Variants in FGF14 observed in about 807,000 individuals in gnomAD.
FGF14 encodes the protein fibroblast growth factor homologous factor 4.
In FGF14, 5 loss-of-function variants were observed where a neutral mutation model predicts 25.5. That is an observed-to-expected ratio of 0.20 (90% CI 0.10 to 0.41). The LOEUF is 0.41. FGF14 is among the 10% of genes least tolerant of loss of function. The probability of loss-of-function intolerance (pLI) is 1.00; values close to 1 mark genes in which losing one functional copy is unlikely to be tolerated. For synonymous variants in FGF14, 138 were observed against 118.3 expected, an observed-to-expected ratio of 1.17 and a Z score of -1.08; for missense variants, 222 against 320.1, an observed-to-expected ratio of 0.69 and a Z score of 2.34.
At chr13:102,353,947 T>C (rs2057357976) in intron 1 of FGF14, among the ~76,000 whole-genome samples, 1 of 152,184 alleles carries the variant, frequency 6.6e-6, no homozygotes, top group African/African-American at 2.4e-5. Context: ...TGAGCCTACA[T>C]TCACCATGTC....
chr13:102,141,819 G>A (rs1228753864), intron 1 of FGF14, among the ~76,000 whole-genome samples: 2 of 152,134 alleles, frequency 1.3e-5, no homozygotes, highest in African/African-American at 4.8e-5. Flanking sequence ...CCACTAGAGG[G>A]CACAAATAAG....
At chr13:102,324,203 G>A (rs2056346401) in intron 1 of FGF14, among the ~76,000 whole-genome samples, 1 of 152,042 alleles carries the variant, frequency 6.6e-6, no homozygotes, top group Non-Finnish European at 1.5e-5. Context: ...AAGCGGCTGT[G>A]GGCTTAAGGA....
chr13:102,056,284 G>T (rs765149919), intron 1 of FGF14, among the ~76,000 whole-genome samples: 22 of 152,292 alleles, frequency 1.4e-4, no homozygotes, highest in Admixed American at 7.8e-4. Flanking sequence ...ACTCTTATCT[G>T]CCCTTGAGAC....
intron 1 of FGF14, among the ~76,000 whole-genome samples, chr13:102,142,908 AC>A (rs900679867): frequency 6.6e-6 from 1 of 152,190 alleles, no homozygotes; most frequent in Non-Finnish European, 1.5e-5. Flanking sequence ...AAAACAACAT[AC>A]GCTTTTATTC....
At chr13:102,331,369 A>C (rs529031392) in intron 1 of FGF14, among the ~76,000 whole-genome samples, 12 of 152,298 alleles carry the variant, frequency 7.9e-5, no homozygotes, top group African/African-American at 2.9e-4. Flanking sequence ...CCCATATTGG[A>C]AATGCTGTTC....
intron 3 of FGF14, among the ~76,000 whole-genome samples, chr13:101,733,858 A>G (rs908318862): frequency 6.6e-6 from 1 of 151,736 alleles, no homozygotes; most frequent in Non-Finnish European, 1.5e-5. Context: ...ATTATATGTT[A>G]CTTTGATTCA....
intron 1 of FGF14, among the ~76,000 whole-genome samples, chr13:101,980,234 A>G (rs1478543381): frequency 6.6e-6 from 1 of 152,190 alleles, no homozygotes; most frequent in African/African-American, 2.4e-5. Flanking sequence ...ACTTGTTCTA[A>G]TAATTTAAGT....
chr13:101,934,911 G>C (rs1467993799), intron 1 of FGF14, among the ~76,000 whole-genome samples: 3 of 152,096 alleles, frequency 2.0e-5, no homozygotes, highest in African/African-American at 7.2e-5. Context: ...CTTAATATGA[G>C]ATGTACCCTC....
intron 1 of FGF14, among the ~76,000 whole-genome samples, chr13:101,948,116 G>A (rs772943347): frequency 7.9e-5 from 12 of 152,114 alleles, no homozygotes; most frequent in Non-Finnish European, 1.6e-4. Flanking sequence ...AGATGTTTTC[G>A]ATATGCTAAA....
chr13:102,076,673 T>G (rs966667097), intron 1 of FGF14, among the ~76,000 whole-genome samples: 1 of 152,092 alleles, frequency 6.6e-6, no homozygotes, highest in Non-Finnish European at 1.5e-5. Context: ...AATAAATCCA[T>G]GAACATGGAT....
In FGF14 at chr13:102,083,177, G is replaced by C. The variant is rs1187410067; in HGVS notation, c.209-207881C>G. 3.9e-5 allele frequency among the ~76,000 whole-genome samples: 6 copies of C among 152,216 alleles called. No homozygotes were observed. In the East Asian group the frequency reaches 1.2e-3, roughly 29 times the overall value. On this transcript the variant is annotated intron_variant, in intron 1 of 4. Coordinates refer to the FGF14 transcript ENST00000376131. ...CTACTCTACCTTCAAATATTTTAGA[G>C]CTACTTACATGACCACCATTGCTAT...
intron 1 of FGF14, among the ~76,000 whole-genome samples, chr13:102,073,788 T>C (rs1318984727): frequency 6.6e-6 from 1 of 152,224 alleles, no homozygotes. Context: ...TCTGTATTTA[T>C]AGTTGAACTG....
At chr13:101,789,491 A>G (rs1309084297) in intron 3 of FGF14, among the ~76,000 whole-genome samples, 1 of 152,164 alleles carries the variant, frequency 6.6e-6, no homozygotes, top group Non-Finnish European at 1.5e-5. Flanking sequence ...GCTCTGCTAA[A>G]TTAGATCCTC....
Position 101,714,819 on chromosome 13 carries a change from A to G in FGF14, c.*8012T>C. The G allele has an allele frequency of 2.1e-6, 1 of 466,708 alleles. No individual in the cohort carries two copies. Among genetic ancestry groups the G allele is most frequent in the Non-Finnish European group, 3.8e-6 (1 of 260,350 alleles). The allele number at this position is 466,708 out of a possible 1,614,324, so 28.9% of individuals were successfully genotyped here. On this transcript the variant is annotated 3_prime_UTR_variant, in exon 5 of 5. Coordinates refer to ENST00000376143, the MANE Select transcript of FGF14 (RefSeq NM_004115.4). ...GTAACCTCCCCACCCTCAAACTCACATGTATGCAGTTGTATATTGAACACA... is the reference window on the plus strand; with the variant it reads ...GTAACCTCCCCACCCTCAAACTCACGTGTATGCAGTTGTATATTGAACACA...
intron 1 of FGF14, among the ~76,000 whole-genome samples, chr13:102,223,810 C>A (rs2050718185): frequency 6.6e-6 from 1 of 152,136 alleles, no homozygotes; most frequent in African/African-American, 2.4e-5. Context: ...CTGCAGTGAG[C>A]TATTGTCATG....
At chr13:101,913,810 CT>C (rs936168823) in intron 1 of FGF14, among the ~76,000 whole-genome samples, 74 of 152,216 alleles carry the variant, frequency 4.9e-4, no homozygotes, top group African/African-American at 1.6e-3. Flanking sequence ...CTCCCCACCC[CT>C]CTCTCCTCCA....
At chr13:101,940,202 G>A (rs1378452740) in intron 1 of FGF14, among the ~76,000 whole-genome samples, 2 of 152,176 alleles carry the variant, frequency 1.3e-5, no homozygotes, top group East Asian at 1.9e-4. Flanking sequence ...ACTGAAATAG[G>A]CAGGCTGTCA....
chr13:101,971,697 T>C (rs1261351509), intron 1 of FGF14, among the ~76,000 whole-genome samples: 6 of 152,180 alleles, frequency 3.9e-5, no homozygotes, highest in African/African-American at 9.7e-5. Context: ...GAAGTAGTTA[T>C]TATCACTCCA....
intron 1 of FGF14, among the ~76,000 whole-genome samples, chr13:102,266,504 GAGAA>G (rs1279758805): frequency 2.0e-5 from 3 of 152,078 alleles, no homozygotes; most frequent in Non-Finnish European, 4.4e-5. Context: ...GGGAGAGAAA[GAGAA>G]AGAGAGAGAA....
Sources: allele counts gnomAD v4.1 joint callset (sites outside exome capture counted in the v4.1 genomes callset), GRCh38; gene constraint gnomAD v4.1.1; transcripts MANE v1.5; gene names NCBI Gene and HGNC (gene_info 2026-07-23, HGNC 2026-07-21).